Variants in TENM3 observed in about 807,000 individuals in gnomAD.
The protein encoded by TENM3 is teneurin transmembrane protein 3.
A neutral mutation model predicts 255.1 loss-of-function variants in TENM3; 63 were observed. That is an observed-to-expected ratio of 0.25 (90% CI 0.20 to 0.30). The LOEUF (loss-of-function observed/expected upper bound fraction) is 0.30, where lower values mean the gene tolerates loss of function less well. Ranked by LOEUF, TENM3 falls within the 10% of genes least tolerant of loss-of-function variation. The probability of loss-of-function intolerance (pLI) is 1.00; values close to 1 mark genes in which losing one functional copy is unlikely to be tolerated. For missense variants in TENM3, 2,929 were observed against 3,461.1 expected (o/e 0.85, Z 3.86); for synonymous variants, 1,306 against 1,322.3 (o/e 0.99, Z 0.27).
At chr4:181,939,675 C>A in the TENM3 span, among the ~76,000 whole-genome samples, 26 of 152,328 alleles carry the variant, frequency 1.7e-4, no homozygotes, top group African/African-American at 5.5e-4. Context: ...AAGAATGTGT[C>A]TATTGTTGGA....
intron 1 of TENM3, among the ~76,000 whole-genome samples, chr4:182,243,849 G>C (rs1295741849): frequency 6.6e-6 from 1 of 151,650 alleles, no homozygotes; most frequent in Non-Finnish European, 1.5e-5. Context: ...CCAGTACTTA[G>C]GAAAGGAAAT....
chr4:181,811,466 C>T, the TENM3 span, among the ~76,000 whole-genome samples: 1 of 152,154 alleles, frequency 6.6e-6, no homozygotes, highest in Non-Finnish European at 1.5e-5. Context: ...TCTGAAAGCA[C>T]TTTCAAAGTA....
the TENM3 span, among the ~76,000 whole-genome samples, chr4:182,097,339 C>T: frequency 6.6e-6 from 1 of 152,184 alleles, no homozygotes; most frequent in Non-Finnish European, 1.5e-5. Context: ...CTGCACCTCC[C>T]TCGGCTCTGC....
At chr4:182,100,911 G>T in the TENM3 span, among the ~76,000 whole-genome samples, 9 of 137,046 alleles carry the variant, frequency 6.6e-5, no homozygotes, top group African/African-American at 2.5e-4. Context: ...AGGCATGGTG[G>T]TGCACACCTG....
At chr4:181,579,451 C>G in the TENM3 span, among the ~76,000 whole-genome samples, 1 of 152,172 alleles carries the variant, frequency 6.6e-6, no homozygotes, top group Admixed American at 6.5e-5. Flanking sequence ...GATACACTAT[C>G]TCTTCTGAGA....
At chr4:182,713,292 C>T (rs966420726) in intron 12 of TENM3, among the ~76,000 whole-genome samples, 1 of 152,116 alleles carries the variant, frequency 6.6e-6, no homozygotes, top group Non-Finnish European at 1.5e-5. Flanking sequence ...TTATTGTGGT[C>T]CTTATGGTAT....
chr4:181,888,418 A>G, the TENM3 span, among the ~76,000 whole-genome samples: 1 of 149,240 alleles, frequency 6.7e-6, no homozygotes. Flanking sequence ...CTGTGAAAAG[A>G]ACAAATTCAA....
chr4:181,476,467 T>C, the TENM3 span, among the ~76,000 whole-genome samples: 2 of 152,138 alleles, frequency 1.3e-5, no homozygotes, highest in African/African-American at 4.8e-5. Context: ...GATAAATATT[T>C]TCAATGAGCG....
the TENM3 span, among the ~76,000 whole-genome samples, chr4:181,569,001 A>G: frequency 6.6e-6 from 1 of 152,328 alleles, no homozygotes; most frequent in South Asian, 2.1e-4. Flanking sequence ...TAAAAACTTA[A>G]TATTTATTGA....
chr4:182,241,514 C>CTTTTTTT (rs1561232126), upstream of TENM3, among the ~76,000 whole-genome samples: 6 of 102,624 alleles, frequency 5.8e-5, no homozygotes, highest in Admixed American at 1.8e-4. Context: ...TTTCTTTTTT[C>CTTTTTTT]TTTCTTTTTT....
the TENM3 span, among the ~76,000 whole-genome samples, chr4:181,783,830 G>A: frequency 3.9e-5 from 6 of 152,006 alleles, no homozygotes; most frequent in East Asian, 1.9e-4. Flanking sequence ...CTCCAGAGTC[G>A]CTAGGATTAT....
intron 3 of TENM3, among the ~76,000 whole-genome samples, chr4:182,378,417 G>C (rs1264622324): frequency 6.6e-6 from 1 of 152,208 alleles, no homozygotes; most frequent in Non-Finnish European, 1.5e-5. Context: ...CTGTGAGAGG[G>C]GGTATTCAGA....
At chr4:182,260,023 G>A (rs755793451) in intron 1 of TENM3, among the ~76,000 whole-genome samples, 4 of 152,088 alleles carry the variant, frequency 2.6e-5, no homozygotes, top group East Asian at 1.9e-4. Flanking sequence ...TTCACGTAAC[G>A]TAATGTCCTC....
chr4:182,767,722 G>A (rs1221753954), intron 22 of TENM3, among the ~76,000 whole-genome samples: 1 of 152,162 alleles, frequency 6.6e-6, no homozygotes, highest in Non-Finnish European at 1.5e-5. Flanking sequence ...AGTTCTTACT[G>A]GGATCCAAGT....
intron 1 of TENM3, among the ~76,000 whole-genome samples, chr4:182,200,956 C>T (rs939442352): frequency 6.6e-6 from 1 of 151,712 alleles, no homozygotes; most frequent in Non-Finnish European, 1.5e-5. Flanking sequence ...TCCCGAATAG[C>T]TGGGATAACA....
At chr4:182,698,463 T>A (rs4467617) in intron 12 of TENM3, among the ~76,000 whole-genome samples, 138,272 of 152,244 alleles carry the variant, frequency 0.91, 63,215 homozygotes, top group East Asian at 1. Context: ...TGCAACTCAG[T>A]TTACAGATTA....
At chr4:182,457,575 T>TTTTTTTTG (rs34637407) in intron 3 of TENM3, among the ~76,000 whole-genome samples, 1 of 149,554 alleles carries the variant, frequency 6.7e-6, no homozygotes, top group Non-Finnish European at 1.5e-5. Flanking sequence ...TTTTTTTTTT[T>TTTTTTTTG]GAGGATAGAC....
At chr4:182,214,079 G>A (rs558833800) in intron 1 of TENM3, among the ~76,000 whole-genome samples, 2 of 152,292 alleles carry the variant, frequency 1.3e-5, no homozygotes, top group African/African-American at 2.4e-5. Context: ...TGGGATTACA[G>A]GTGTGAACCA....
At chr4:181,536,924 A>T in the TENM3 span, among the ~76,000 whole-genome samples, 7 of 152,224 alleles carry the variant, frequency 4.6e-5, no homozygotes, top group Admixed American at 4.6e-4. Flanking sequence ...AACTCTGCTC[A>T]GTGATACAGA....
Sources: gnomAD v4.1 joint callset for allele counts (sites outside exome capture counted in the v4.1 genomes callset) on GRCh38, gnomAD v4.1.1 for gene constraint, MANE v1.5 for transcripts, NCBI Gene and HGNC (gene_info 2026-07-23, HGNC 2026-07-21) for gene names.